Variants in PDZRN4 observed in about 807,000 individuals in gnomAD.
PDZRN4 encodes the protein PDZ domain containing ring finger 4, also known as PDZ domain-containing RING finger protein 4.
Under a neutral mutation model 99.0 loss-of-function variants are expected in PDZRN4, and 70 were observed. The ratio of observed to expected loss-of-function variants is 0.71; its 90% CI spans 0.58 to 0.86. The LOEUF (loss-of-function observed/expected upper bound fraction) is 0.86. Among genes scored for constraint, PDZRN4 ranks in the 40% least tolerant of loss-of-function variants. PDZRN4 has a pLI of 0.00. For missense variants in PDZRN4, 1,474 were observed against 1,331.2 expected, an observed-to-expected ratio of 1.11 and a Z score of -1.67; for synonymous variants, 551 against 501.6, an observed-to-expected ratio of 1.10 and a Z score of -1.32.
intron 7 of PDZRN4, among the ~76,000 whole-genome samples, chr12:41,556,700 A>G (rs1939171512): frequency 6.6e-6 from 1 of 152,214 alleles, no homozygotes; most frequent in Admixed American, 6.5e-5. Context: ...GACTGATTAC[A>G]TTTCAGCTTT....
At chr12:41,502,127 C>G (rs997194245) in intron 3 of PDZRN4, among the ~76,000 whole-genome samples, 1 of 152,024 alleles carries the variant, frequency 6.6e-6, no homozygotes, top group Non-Finnish European at 1.5e-5. Context: ...TCTGCTTTTT[C>G]ATTTATCTCA....
intron 3 of PDZRN4, among the ~76,000 whole-genome samples, chr12:41,222,178 T>G (rs1370386937): frequency 6.6e-6 from 1 of 152,284 alleles, no homozygotes; most frequent in Non-Finnish European, 1.5e-5. Flanking sequence ...TCGGAAATTG[T>G]GTTTGCATCA....
chr12:41,214,430 T>TAAAAAA lies in PDZRN4; in HGVS notation c.843+20257_843+20262dup, dbSNP rs536246838. On this transcript the variant is annotated intron_variant, in intron 3 of 9. Transcript: ENST00000402685. ...GGCAATAGAAGGAGACCCTGTCCCC[T>TAAAAAA]AAAAAAAAAAAAAAAAAAAAGTTAT... Among the ~76,000 whole-genome samples the TAAAAAA allele has an allele frequency of 1.8e-3, 62 of 34,072 alleles. 7 individuals are homozygous for TAAAAAA. Among genetic ancestry groups the TAAAAAA allele is most frequent in the Middle Eastern group, 0.025 (1 of 40 alleles). 22.4% of individuals were successfully genotyped at this position (34,072 alleles called of 152,430 possible). A position where few individuals can be genotyped will look rare whatever the true frequency, so the allele number is the denominator to read the frequency against.
At chr12:41,515,830 A>G (rs902882895) in intron 5 of PDZRN4, among the ~76,000 whole-genome samples, 1 of 151,616 alleles carries the variant, frequency 6.6e-6, no homozygotes, top group Admixed American at 6.6e-5. Flanking sequence ...AACCTTCTCA[A>G]GTGTGACTCT....
At chr12:41,399,736 CAAA>C (rs11324694) in intron 3 of PDZRN4, among the ~76,000 whole-genome samples, 1 of 127,546 alleles carries the variant, frequency 7.8e-6, no homozygotes, top group South Asian at 2.5e-4. Flanking sequence ...AACTTTGTCT[CAAA>C]AAAAAAAAAA....
chr12:41,335,123 A>G (rs1392629590), intron 3 of PDZRN4, among the ~76,000 whole-genome samples: 1 of 152,110 alleles, frequency 6.6e-6, no homozygotes. Context: ...TGTTCATGCA[A>G]TATTCTGGAT....
Position 41,194,149 on chromosome 12 carries a change from C to CA in PDZRN4, c.805dup (p.Arg269LysfsTer9), listed in dbSNP as rs1193733745. The CA allele has an allele frequency of 1.9e-6, 3 of 1,560,102 alleles. No homozygotes were observed. Among genetic ancestry groups the CA allele is most frequent in the Non-Finnish European group, 2.6e-6 (3 of 1,144,076 alleles). On this transcript the variant is annotated frameshift_variant, in exon 3 of 10. Transcript: ENST00000402685. LOFTEE classifies it high-confidence loss of function. ...AAATTTTAGAAAATGGACCTGCTGA[C>CA]AGAGCAGATGGCCTGGAGATTCATG...
chr12:41,438,076 A>G lies in PDZRN4; in HGVS notation c.844-68380A>G, dbSNP rs527897728. ...GCTTTGTGTTTGTCTGAAAGACGGT[A>G]AATGAATTCTGGCTAGCTTTATTTT... On this transcript the variant is annotated intron_variant, in intron 3 of 9. Transcript: ENST00000402685. The G allele has an allele frequency of 4.5e-6, 7 of 1,553,604 alleles. No individual in the cohort carries two copies. In the South Asian group the frequency reaches 7.8e-5, roughly 17 times the overall value.
intron 3 of PDZRN4, among the ~76,000 whole-genome samples, chr12:41,483,691 T>A (rs887589829): frequency 1.3e-5 from 2 of 152,250 alleles, no homozygotes; most frequent in African/African-American, 4.8e-5. Context: ...CAGTGACAAT[T>A]AATGGTTCTT....
At chr12:41,252,459 CA>C in intron 3 of PDZRN4, among the ~76,000 whole-genome samples, 1 of 152,208 alleles carries the variant, frequency 6.6e-6, no homozygotes, top group South Asian at 2.1e-4. Flanking sequence ...AAATTTTAGG[CA>C]AAACAGGCCA....
At chr12:41,447,704 G>T (rs555951230) in intron 3 of PDZRN4, among the ~76,000 whole-genome samples, 4 of 152,256 alleles carry the variant, frequency 2.6e-5, no homozygotes, top group Admixed American at 1.3e-4. Flanking sequence ...GCACAAAGTA[G>T]TCAAGTAACA....
chr12:41,324,601 AT>A (rs1250749788), intron 3 of PDZRN4, among the ~76,000 whole-genome samples: 5 of 152,228 alleles, frequency 3.3e-5, no homozygotes, highest in Admixed American at 2.0e-4. Context: ...ATAATAAGTG[AT>A]TTAAAAGAAC....
chr12:41,303,944 A>C (rs571450638), intron 3 of PDZRN4, among the ~76,000 whole-genome samples: 1 of 152,298 alleles, frequency 6.6e-6, no homozygotes, highest in East Asian at 1.9e-4. Flanking sequence ...TTTAGTACCT[A>C]CTGTGAACAA....
intron 3 of PDZRN4, among the ~76,000 whole-genome samples, chr12:41,262,961 G>GTATA (rs147075301): frequency 6.6e-5 from 10 of 151,076 alleles, no homozygotes; most frequent in South Asian, 2.1e-4. Context: ...CTGTATATAT[G>GTATA]TATATATATA....
intron 5 of PDZRN4, among the ~76,000 whole-genome samples, chr12:41,550,378 C>G (rs1050165404): frequency 1.3e-5 from 2 of 152,118 alleles, no homozygotes; most frequent in Non-Finnish European, 2.9e-5. Context: ...TTAGGAATCA[C>G]TAAGAGATAC....
At chr12:41,313,960 G>A (rs943148625) in intron 3 of PDZRN4, among the ~76,000 whole-genome samples, 1 of 152,072 alleles carries the variant, frequency 6.6e-6, no homozygotes, top group Non-Finnish European at 1.5e-5. Context: ...GGCTTTCAAT[G>A]CCTTTTGTCT....
At chr12:41,558,473 C>T (rs2120819707) in intron 7 of PDZRN4, among the ~76,000 whole-genome samples, 1 of 152,276 alleles carries the variant, frequency 6.6e-6, no homozygotes, top group East Asian at 1.9e-4. Flanking sequence ...CTTCCCTAGG[C>T]TAGATACACA....
At chr12:41,252,155 A>G (rs1186592968) in intron 3 of PDZRN4, among the ~76,000 whole-genome samples, 1 of 152,146 alleles carries the variant, frequency 6.6e-6, no homozygotes, top group African/African-American at 2.4e-5. Flanking sequence ...AAGTAAAATA[A>G]GCATTGCAAT....
intron 3 of PDZRN4, among the ~76,000 whole-genome samples, chr12:41,200,987 C>T (rs991082707): frequency 2.6e-5 from 4 of 151,948 alleles, no homozygotes; most frequent in African/African-American, 4.8e-5. Context: ...GAAAACTTTC[C>T]TTTCTTCCAG....
Sources: gnomAD v4.1 joint callset for allele counts (sites outside exome capture counted in the v4.1 genomes callset) on GRCh38, gnomAD v4.1.1 for gene constraint, MANE v1.5 for transcripts, NCBI Gene and HGNC (gene_info 2026-07-23, HGNC 2026-07-21) for gene names.